FBXO43: variants seen among roughly 807,000 people sequenced by gnomAD.
FBXO43 encodes the protein F-box protein 43.
In FBXO43, 22 loss-of-function variants were observed where a neutral mutation model predicts 56.7. The observed-to-expected ratio is 0.39, with a 90% confidence interval of 0.28 to 0.55. The LOEUF (loss-of-function observed/expected upper bound fraction) is 0.55, where lower values mean the gene tolerates loss of function less well. Among genes scored for constraint, FBXO43 ranks in the 20% least tolerant of loss-of-function variants. The pLI, the probability that FBXO43 is intolerant of heterozygous loss-of-function variation, is 0.66. For synonymous variants in FBXO43, 306 were observed against 294.5 expected (o/e 1.04, Z -0.40); for missense variants, 733 against 814.9 (o/e 0.90, Z 1.22).
chr8:100,143,206 A>G (rs1365882726), intron 1 of FBXO43, among the ~76,000 whole-genome samples: 2 of 152,260 alleles, frequency 1.3e-5, no homozygotes, highest in Non-Finnish European at 2.9e-5. Flanking sequence ...ATATTTTTCC[A>G]GATGATTCAA....
At chr8:100,139,587 G>A (rs570459499) in intron 2 of FBXO43, among the ~76,000 whole-genome samples, 21 of 152,178 alleles carry the variant, frequency 1.4e-4, no homozygotes, top group Admixed American at 1.3e-4. Flanking sequence ...TCATTGCCAC[G>A]GCATTCCCAT....
At position 100,134,021 on chromosome 8, in the gene FBXO43, T is replaced by C. The variant is rs2132116043; in HGVS notation, c.1908A>G (p.Ala636=). The change falls in exon 5 of 5, where the codon GCA becomes GCG. Residue 636 remains alanine, a synonymous_variant. Coordinates refer to ENST00000428847, the MANE Select transcript of FBXO43 (RefSeq NM_001029860.4). The part of the protein sequence containing the change: ...KVAKTLFTDE[A]LKPCPRCQSP... ...ACTGGCACCTTGGGCAAGGTTTTAATGCTTCATCAGTAAAAAGTGTTTTGG... is the reference window on the plus strand; with the variant it reads ...ACTGGCACCTTGGGCAAGGTTTTAACGCTTCATCAGTAAAAAGTGTTTTGG... 6.2e-7 allele frequency: 1 copy of C among 1,614,170 alleles called. No individual in the cohort carries two copies. Among genetic ancestry groups the C allele is most frequent in the East Asian group, 2.2e-5 (1 of 44,886 alleles).
intron 3 of FBXO43, among the ~76,000 whole-genome samples, chr8:100,135,110 A>G (rs1224557242): frequency 6.6e-6 from 1 of 152,270 alleles, no homozygotes; most frequent in Admixed American, 6.5e-5. Flanking sequence ...AAGTGTAATC[A>G]TAGTGTACAA....
chr8:100,133,401 A>G lies in FBXO43; in HGVS notation c.*401T>C, dbSNP rs1317943860. The G allele has an allele frequency of 6.5e-6, 1 of 152,982 alleles. No homozygotes were observed. Among genetic ancestry groups the G allele is most frequent in the African/African-American group, 2.4e-5 (1 of 41,476 alleles). The allele number at this position is 152,982 out of a possible 1,614,324, so 9.5% of individuals were successfully genotyped here. On this transcript the variant is annotated 3_prime_UTR_variant, in exon 5 of 5. Transcript: ENST00000428847. ...TATTTATATTTCATTTCAGTCAAGT[A>G]CTCATTTTCCAAATCTATAAGGCCA...
At chr8:100,150,190 A>G (rs185434562), upstream of FBXO43, among the ~76,000 whole-genome samples, 80 of 152,336 alleles carry the variant, frequency 5.3e-4, no homozygotes, top group Admixed American at 4.3e-3. Flanking sequence ...AGAGAAAGGT[A>G]GGAGGCAGCT....
chr8:100,139,202 C>A (rs1411292856), intron 2 of FBXO43, among the ~76,000 whole-genome samples: 1 of 152,132 alleles, frequency 6.6e-6, no homozygotes, highest in Non-Finnish European at 1.5e-5. Context: ...CCTTAGAAGA[C>A]TTCCAGCTAA....
rs139998925 is a variant in FBXO43 at position 100,138,312 on chromosome 8, C to A, written c.1572-645G>T. Among the ~76,000 whole-genome samples the A allele has an allele frequency of 3.9e-5, 6 of 152,216 alleles. No homozygotes were observed. In the East Asian group the frequency reaches 7.7e-4, roughly 20 times the overall value. On this transcript the variant is annotated intron_variant, in intron 2 of 4. Transcript: ENST00000428847. ...ATCTGGTCTTTCTTTGTTATTCTAA[C>A]AAATCAAAAGGAGTAAGGTCAGAAA... is the stretch of plus-strand genomic sequence containing the variant.
In FBXO43 at chr8:100,145,034, A is replaced by G. The variant is rs1814785071; in HGVS notation, c.85+17T>C. ...TAAACCCAAATGTTCTTCATTTGTT[A>G]AAGTGGAAACTCTTACCATCAGTAA... On this transcript the variant is annotated intron_variant, in intron 1 of 4. Transcript: ENST00000428847. 2 of 1,603,170 alleles carry G rather than the reference A, an allele frequency of 1.2e-6. No individual in the cohort carries two copies. The highest frequency in any genetic ancestry group is 8.5e-7 in the Non-Finnish European group (1 of 1,174,712).
chr8:100,138,176 A>C (rs1814530385), intron 2 of FBXO43, among the ~76,000 whole-genome samples: 1 of 152,230 alleles, frequency 6.6e-6, no homozygotes, highest in South Asian at 2.1e-4. Flanking sequence ...CATTAACCAA[A>C]GTTTATGAAT....
chr8:100,147,561 T>A (rs1339462113), upstream of FBXO43, among the ~76,000 whole-genome samples: 1 of 152,172 alleles, frequency 6.6e-6, no homozygotes, highest in Admixed American at 6.5e-5. Context: ...CTTGGGAAGT[T>A]CTGGTTGCAC....
chr8:100,135,372 A>G (rs919732699), intron 3 of FBXO43, among the ~76,000 whole-genome samples: 7 of 152,206 alleles, frequency 4.6e-5, no homozygotes, highest in African/African-American at 1.7e-4. Flanking sequence ...ATGGAGCTAA[A>G]CACTAGAAGA....
intron 2 of FBXO43, among the ~76,000 whole-genome samples, chr8:100,140,297 C>T (rs1356460388): frequency 6.6e-6 from 1 of 152,066 alleles, no homozygotes; most frequent in Non-Finnish European, 1.5e-5. Context: ...GGTGAAACCC[C>T]GTCTCTACTA....
chr8:100,134,219 G>T lies in FBXO43; in HGVS notation c.1820C>A (p.Thr607Lys). 6.2e-7 allele frequency: 1 copy of T among 1,614,140 alleles called. No homozygotes were observed. The change falls in exon 4 of 5, where the codon ACA becomes AAA. Residue 607 changes from threonine to lysine, a missense_variant. Physicochemically the swap from Thr to Lys is moderately conservative, Grantham distance 78. Transcript: ENST00000428847. ...STLSPWGEVL[T>K]PLASSSVTHL... ...AGTAACAGAAGAGCTTGCTAGAGGT[G>T]TCAAAACTTCTCCCCAGGGAGATAA...
At position 100,145,169 on chromosome 8, in the gene FBXO43, A is replaced by G. The variant is rs752639915; in HGVS notation, c.-34T>C. 6.3e-7 allele frequency: 1 copy of G among 1,578,038 alleles called. No individual in the cohort carries two copies. Among genetic ancestry groups the G allele is most frequent in the African/African-American group, 1.4e-5 (1 of 73,990 alleles). ...AATGCCACTTAAAGAGGAAAACTTT[A>G]GTTTGCACAATTAATTGAAAGGTGC... On this transcript the variant is annotated 5_prime_UTR_variant, in exon 1 of 5. It removes the in-frame stop codon of an upstream open reading frame in the 5' UTR. Coordinates refer to ENST00000428847, the MANE Select transcript of FBXO43 (RefSeq NM_001029860.4).
intron 3 of FBXO43, among the ~76,000 whole-genome samples, chr8:100,135,178 C>A (rs909752031): frequency 3.3e-5 from 5 of 152,132 alleles, no homozygotes; most frequent in African/African-American, 1.2e-4. Flanking sequence ...ATAATGTCAG[C>A]ACCTAATTCT....
rs1814653453 is a variant in FBXO43, at chr8:100,141,559, G to A, written c.695C>T (p.Thr232Ile). 6.2e-7 allele frequency: 1 copy of A among 1,611,424 alleles called. No homozygotes were observed. Among genetic ancestry groups the A allele is most frequent in the South Asian group, 1.1e-5 (1 of 91,074 alleles). The stretch of plus-strand genomic sequence containing the variant: ...ATCTTTGGAATCATCAATTGTGGAA[G>A]TCTTTTGCTGAGAAAAATTAAGCCT... ...KLRLNFSQQK[T>I]STIDDSKDDC... is the part of the protein sequence containing the mutation. The change falls in exon 2 of 5, where the codon ACT becomes ATT. Residue 232 changes from threonine (T) to isoleucine (I), a missense_variant. Physicochemically the swap from Thr to Ile is moderately conservative, Grantham distance 89. Coordinates refer to ENST00000428847, the MANE Select transcript of FBXO43 (RefSeq NM_001029860.4).
chr8:100,145,018 ATG>A, intron 1 of FBXO43, 31 bp downstream of exon 1: 15 of 1,594,728 alleles, frequency 9.4e-6, no homozygotes, highest in Non-Finnish European at 1.3e-5. Flanking sequence ...TTAAACCCAA[ATG>A]TTCTTCATTT....
At chr8:100,140,651 G>A in intron 2 of FBXO43, 32 bp downstream of exon 2, 1 of 1,516,290 alleles carries the variant, frequency 6.6e-7, no homozygotes, top group Non-Finnish European at 8.8e-7. Flanking sequence ...AAAAAAAGAA[G>A]TTTTATTTCA....
At position 100,133,900 on chromosome 8, in the gene FBXO43, C is replaced by T. The variant is rs1305155007; in HGVS notation, c.2029G>A (p.Gly677Arg). The T allele has an allele frequency of 6.2e-7, 1 of 1,614,166 alleles. No homozygotes were observed. Among genetic ancestry groups the T allele is most frequent in the East Asian group, 2.2e-5 (1 of 44,892 alleles). ...GCTCCTCTACTACATTCTTCAGACC[C>T]ATGATAAGCACACAGACATAACACA... is the stretch of plus-strand genomic sequence containing the variant. ...FCVLCLCAYH[G>R]SEECSRGAAK... Residue 677 changes from glycine to arginine, a missense_variant, in exon 5 of 5, where the codon GGG becomes AGG. By Grantham distance (125) the Gly-to-Arg change is moderately radical (BLOSUM62 -2). Transcript: ENST00000428847.
Sources: allele counts gnomAD v4.1 joint callset (sites outside exome capture counted in the v4.1 genomes callset), GRCh38; gene constraint gnomAD v4.1.1; transcripts MANE v1.5; gene names NCBI Gene and HGNC (gene_info 2026-07-23, HGNC 2026-07-21).